ABCC4: variants seen among roughly 807,000 people sequenced by gnomAD.
The protein encoded by ABCC4 is ATP binding cassette subfamily C member 4 (PEL blood group), also known as ATP-binding cassette sub-family C member 4.
ABCC4 carries 102 observed loss-of-function variants against 168.5 expected under a neutral mutation model. The observed-to-expected ratio is 0.61, with a 90% CI of 0.52 to 0.71. ABCC4 has a LOEUF of 0.71. ABCC4 is among the 30% of genes least tolerant of loss of function. ABCC4 has a pLI of 0.00. For missense variants in ABCC4, 1,402 were observed against 1,605.8 expected (o/e 0.87, Z 2.17); for synonymous variants, 617 against 590.7 (o/e 1.04, Z -0.65).
At chr13:95,262,631 C>CTT (rs35209572) in intron 1 of ABCC4, among the ~76,000 whole-genome samples, 3 of 142,244 alleles carry the variant, frequency 2.1e-5, no homozygotes, top group Admixed American at 7.0e-5. Flanking sequence ...GACACTTAGA[C>CTT]TTTTTTTTTT....
intron 19 of ABCC4, among the ~76,000 whole-genome samples, chr13:95,141,483 C>CA (rs1357882475): frequency 6.6e-6 from 1 of 151,454 alleles, no homozygotes. Flanking sequence ...AAGCAGAGAA[C>CA]AAAGAATGTA....
chr13:95,059,490 G>A (rs1396821627), intron 26 of ABCC4, among the ~76,000 whole-genome samples: 2 of 152,188 alleles, frequency 1.3e-5, no homozygotes, highest in African/African-American at 4.8e-5. Flanking sequence ...CTGCCTGCTC[G>A]CGAAATGCAA....
At chr13:95,262,682 G>A (rs980888375) in intron 1 of ABCC4, among the ~76,000 whole-genome samples, 3 of 151,314 alleles carry the variant, frequency 2.0e-5, no homozygotes, top group Non-Finnish European at 4.4e-5. Flanking sequence ...GCCCAGGCTG[G>A]AGTGCTGTGG....
chr13:95,061,053 T>A (rs2033271408), intron 26 of ABCC4, among the ~76,000 whole-genome samples: 1 of 152,238 alleles, frequency 6.6e-6, no homozygotes, highest in Admixed American at 6.5e-5. Context: ...TTAGGGTATA[T>A]CTGCATTATA....
intron 28 of ABCC4, 105 bp from the exon 29 acceptor site, chr13:95,043,892 T>C (rs1006587394): frequency 3.2e-5 from 23 of 718,496 alleles, no homozygotes; most frequent in Non-Finnish European, 4.8e-5. Context: ...AAAGATCATA[T>C]CTATTTAATG....
chr13:95,142,418 A>G (rs2139483401), intron 19 of ABCC4, among the ~76,000 whole-genome samples: 1 of 152,248 alleles, frequency 6.6e-6, no homozygotes, highest in East Asian at 1.9e-4. Context: ...AATGGACTTT[A>G]AGGACTTGAG....
intron 6 of ABCC4, among the ~76,000 whole-genome samples, chr13:95,208,173 A>G (rs532665439): frequency 1.8e-4 from 27 of 152,324 alleles, no homozygotes; most frequent in African/African-American, 6.5e-4. Flanking sequence ...AATGAGTCAG[A>G]TGTCATCTGT....
chr13:95,187,536 G>T (rs960410775), intron 10 of ABCC4, among the ~76,000 whole-genome samples: 1 of 152,184 alleles, frequency 6.6e-6, no homozygotes. Context: ...CTAGGGAAAT[G>T]GAGGTTGCAG....
At chr13:95,143,811 G>T (rs550064549) in intron 19 of ABCC4, among the ~76,000 whole-genome samples, 1 of 152,274 alleles carries the variant, frequency 6.6e-6, no homozygotes, top group Admixed American at 6.5e-5. Flanking sequence ...GTATGCCCAT[G>T]ATAACAGGCA....
intron 20 of ABCC4, among the ~76,000 whole-genome samples, chr13:95,083,672 G>A (rs1212935381): frequency 6.6e-6 from 1 of 151,828 alleles, no homozygotes; most frequent in Non-Finnish European, 1.5e-5. Flanking sequence ...GACTACAGGT[G>A]CATGTCACCA....
chr13:95,207,677 G>T, intron 7 of ABCC4, 123 bp downstream of exon 7: 1 of 993,716 alleles, frequency 1.0e-6, no homozygotes, highest in South Asian at 1.6e-5. Flanking sequence ...CCAAGCGTGG[G>T]GACTGGGATG....
At chr13:95,085,596 C>A (rs1233173937) in intron 20 of ABCC4, among the ~76,000 whole-genome samples, 2 of 152,186 alleles carry the variant, frequency 1.3e-5, no homozygotes, top group African/African-American at 4.8e-5. Context: ...GGGTCGCAAT[C>A]ACAGTTTGCT....
intron 30 of ABCC4, among the ~76,000 whole-genome samples, chr13:95,031,055 G>A (rs948354516): frequency 2.0e-5 from 3 of 152,214 alleles, no homozygotes; most frequent in Non-Finnish European, 4.4e-5. Context: ...TAATCTGTGA[G>A]AGCGAAAAGC....
At chr13:95,068,236 T>C (rs1480587843) in intron 25 of ABCC4, among the ~76,000 whole-genome samples, 1 of 152,124 alleles carries the variant, frequency 6.6e-6, no homozygotes, top group East Asian at 1.9e-4. Flanking sequence ...GAACCCTGAA[T>C]ATACACACAA....
intron 1 of ABCC4, among the ~76,000 whole-genome samples, chr13:95,258,044 A>C (rs572189063): frequency 1.3e-5 from 2 of 152,156 alleles, no homozygotes; most frequent in Admixed American, 6.5e-5. Context: ...ATTTGTCCCA[A>C]CAAGAACCAG....
At chr13:95,284,991 T>C (rs28627636) in intron 1 of ABCC4, among the ~76,000 whole-genome samples, 9,705 of 152,126 alleles carry the variant, frequency 0.064, 436 homozygotes, top group East Asian at 0.12. Flanking sequence ...CATGTCTGTA[T>C]TCCTAGCAGA....
chr13:95,239,117 AG>A (rs1361283997), intron 3 of ABCC4, among the ~76,000 whole-genome samples: 1 of 152,094 alleles, frequency 6.6e-6, no homozygotes, highest in African/African-American at 2.4e-5. Context: ...TAGTTTGAAA[AG>A]ATAGTCCCTG....
intron 20 of ABCC4, among the ~76,000 whole-genome samples, chr13:95,109,838 G>A (rs1282611588): frequency 2.6e-5 from 4 of 152,120 alleles, no homozygotes; most frequent in African/African-American, 9.7e-5. Flanking sequence ...ATTTCACTTA[G>A]CCCCATATCT....
intron 30 of ABCC4, among the ~76,000 whole-genome samples, chr13:95,026,476 TA>T (rs1566353077): frequency 1.3e-5 from 2 of 151,476 alleles, no homozygotes; most frequent in African/African-American, 4.9e-5. Context: ...TATAATCAAA[TA>T]AAAAAATTCA....
Sources: allele counts gnomAD v4.1 joint callset (sites outside exome capture counted in the v4.1 genomes callset), GRCh38; gene constraint gnomAD v4.1.1; transcripts MANE v1.5; gene names NCBI Gene and HGNC (gene_info 2026-07-23, HGNC 2026-07-21).